Variants in INTS10 observed in about 807,000 individuals in gnomAD.
INTS10 encodes chromosome 8 open reading frame 35.
In INTS10, 44 loss-of-function variants were observed where a neutral mutation model predicts 94.4. The observed-to-expected ratio is 0.47, with a 90% confidence interval of 0.37 to 0.60. INTS10 has a LOEUF of 0.60. Among genes scored for constraint, INTS10 ranks in the 20% least tolerant of loss-of-function variants. The pLI, the probability that INTS10 is intolerant of heterozygous loss-of-function variation, is 0.00. For synonymous variants in INTS10, 341 were observed against 320.7 expected (o/e 1.06, Z -0.68); for missense variants, 797 against 868.7 (o/e 0.92, Z 1.04).
At chr8:19,833,064 G>C in intron 11 of INTS10, 105 bp from the exon 12 acceptor site, 1 of 926,210 alleles carries the variant, frequency 1.1e-6, no homozygotes, top group Admixed American at 2.9e-5. Flanking sequence ...TACCGTCTTT[G>C]TATAGTTGCT....
At chr8:19,825,075 T>C in intron 8 of INTS10, 103 bp downstream of exon 8, 1 of 998,516 alleles carries the variant, frequency 1.0e-6, no homozygotes, top group Non-Finnish European at 1.5e-6. Flanking sequence ...CGAATAACTG[T>C]GGGGCAGTAC....
chr8:19,820,501 A>C lies in INTS10; in HGVS notation c.424A>C (p.Thr142Pro). ...TCTACTTTTGAGGCGCTTCCCTGAA[A>C]CGGTGGTGCAGCATGGGGTGAGATT... ...LLLLLRRFPE[T>P]VVQHGVGLGE... Residue 142 changes from threonine (T) to proline (P), a missense_variant, in exon 4 of 17, where the codon ACG (threonine) becomes CCG (proline). Around this residue, in one of 3 missense-constraint regions of INTS10, gnomAD observed 734 missense variants for 787.8 expected, o/e 0.93. Transcript: ENST00000397977. 1 of 1,612,730 alleles carries C rather than the reference A, an allele frequency of 6.2e-7. No homozygotes were observed. Among genetic ancestry groups the C allele is most frequent in the Non-Finnish European group, 8.5e-7 (1 of 1,178,938 alleles).
At chr8:19,834,555 G>A (rs1045777422) in intron 12 of INTS10, among the ~76,000 whole-genome samples, 1 of 152,154 alleles carries the variant, frequency 6.6e-6, no homozygotes, top group Admixed American at 6.5e-5. Flanking sequence ...CATTGTAGTA[G>A]GGAATATAAA....
chr8:19,825,016 T>C (rs764596564), intron 8 of INTS10, 44 bp downstream of exon 8: 2 of 1,511,154 alleles, frequency 1.3e-6, no homozygotes, highest in Non-Finnish European at 1.8e-6. Context: ...CAGTTCATAC[T>C]GTGGGGATGG....
At chr8:19,828,306 C>T (rs373329556) in intron 9 of INTS10, among the ~76,000 whole-genome samples, 1 of 143,742 alleles carries the variant, frequency 7.0e-6, no homozygotes, top group East Asian at 2.1e-4. Flanking sequence ...ATCACACTGG[C>T]CCCTGGTGGT....
In INTS10 at chr8:19,843,269, G is replaced by T. The variant is rs1331217773; in HGVS notation, c.1719+342G>T. ...CAAATTGCGGTTAGGTTCATGGAGG[G>T]ATGATGAGTTTGTCATTGTAAAGAT... On this transcript the variant is annotated intron_variant, in intron 14 of 16. Transcript: ENST00000397977. This position sits in a 1 kb window ranked among gnomAD's most constrained non-coding sequence, Gnocchi z 4.7. Among the ~76,000 whole-genome samples the T allele has an allele frequency of 1.1e-4, 17 of 152,192 alleles. No individual in the cohort carries two copies.
rs1196151644 is a variant in INTS10 at position 19,832,084 on chromosome 8, T to C, written c.1351T>C (p.Phe451Leu). Reference protein sequence around the residue: ...KTDTWLWLRIFLTDMIIYQGQ... With the variant: ...KTDTWLWLRILLTDMIIYQGQ... The stretch of plus-strand genomic sequence containing the variant: ...GGATACTTGGCTTTGGTTAAGAATC[T>C]TCCTCACTGATATGATCATCTATCA... Residue 451 changes from phenylalanine to leucine, a missense_variant, in exon 11 of 17, where the codon TTC becomes CTC. Phe to Leu is a conservative substitution (Grantham distance 22). This residue lies in a region of INTS10 where 734 missense variants were observed against 787.8 expected (regional missense o/e 0.93). Coordinates refer to ENST00000397977, the MANE Select transcript of INTS10 (RefSeq NM_018142.4). 5 of 1,594,168 alleles carry C rather than the reference T, an allele frequency of 3.1e-6. No homozygotes were observed. Among genetic ancestry groups the C allele is most frequent in the Non-Finnish European group, 3.4e-6 (4 of 1,161,780 alleles).
rs898327238 is a variant in INTS10, at chr8:19,849,418, A to G, written c.1977-2231A>G. On this transcript the variant is annotated intron_variant, in intron 16 of 16. Transcript: ENST00000397977. This position sits in a 1 kb window ranked among gnomAD's most constrained non-coding sequence, Gnocchi z 4.6. ...TTGTAACATTTCTTATTTTTTTTCCATAAGTTGCCAGTGTGTTTGTGTTCG... is the reference window on the plus strand; with the variant it reads ...TTGTAACATTTCTTATTTTTTTTCCGTAAGTTGCCAGTGTGTTTGTGTTCG... Among the ~76,000 whole-genome samples, 1 of 151,956 alleles carries G rather than the reference A, an allele frequency of 6.6e-6. No individual in the cohort carries two copies.
In INTS10 at chr8:19,833,270, G is replaced by T. The variant is rs1443173922; in HGVS notation, c.1479G>T (p.Gln493His). ...QITGQGTLEHQRALIQLATCH... is the reference protein window; with the variant it reads ...QITGQGTLEHHRALIQLATCH... Reference sequence around the variant, plus strand: ...CAGGGCAGGGGACCCTGGAGCATCAGAGGGCGCTCATCCAGCTGGCGACGT... The same window carrying T: ...CAGGGCAGGGGACCCTGGAGCATCATAGGGCGCTCATCCAGCTGGCGACGT... Residue 493 changes from glutamine (Q) to histidine (H), a missense_variant, in exon 12 of 17, where the codon CAG becomes CAT. Around this residue, in one of 3 missense-constraint regions of INTS10, gnomAD observed 734 missense variants for 787.8 expected, o/e 0.93. Transcript: ENST00000397977. 6.2e-7 allele frequency: 1 copy of T among 1,613,304 alleles called. No homozygotes were observed. Among genetic ancestry groups the T allele is most frequent in the African/African-American group, 1.3e-5 (1 of 74,940 alleles).
chr8:19,833,131 C>A, intron 11 of INTS10, 38 bp from the exon 12 acceptor site: 2 of 1,478,262 alleles, frequency 1.4e-6, no homozygotes, highest in Non-Finnish European at 1.8e-6. Context: ...TTTTTAACAG[C>A]GATGCTTTTC....
intron 9 of INTS10, among the ~76,000 whole-genome samples, chr8:19,828,882 G>A (rs142444001): frequency 1.3e-4 from 20 of 152,146 alleles, no homozygotes; most frequent in Admixed American, 3.3e-4. Context: ...GATTGGAAAA[G>A]GTGTGTTTTT....
chr8:19,849,179 T>A lies in INTS10; in HGVS notation c.1977-2470T>A. On this transcript the variant is annotated intron_variant, in intron 16 of 16. Coordinates refer to ENST00000397977, the MANE Select transcript of INTS10 (RefSeq NM_018142.4). This position sits in a 1 kb window ranked among gnomAD's most constrained non-coding sequence, Gnocchi z 4.6. ...TTTTAAAGGCCTTCTAGCCCTCCCATGGGGTTACTGCAGCAGGAATTCTTA... is the reference window on the plus strand; with the variant it reads ...TTTTAAAGGCCTTCTAGCCCTCCCAAGGGGTTACTGCAGCAGGAATTCTTA... The A allele has an allele frequency of 1.6e-6, 2 of 1,289,602 alleles. No homozygotes were observed. Among genetic ancestry groups the A allele is most frequent in the Non-Finnish European group, 2.0e-6 (2 of 988,698 alleles). The allele number at this position is 1,289,602 out of a possible 1,614,324, so 79.9% of individuals were successfully genotyped here.
At chr8:19,834,171 T>C (rs2067467708) in intron 12 of INTS10, among the ~76,000 whole-genome samples, 1 of 152,198 alleles carries the variant, frequency 6.6e-6, no homozygotes, top group African/African-American at 2.4e-5. Flanking sequence ...TTGAATTCAG[T>C]TAAAATGATA....
chr8:19,826,602 C>A, intron 9 of INTS10, 43 bp downstream of exon 9: 1 of 1,564,240 alleles, frequency 6.4e-7, no homozygotes, highest in East Asian at 2.3e-5. Context: ...GGATGGGACG[C>A]TTTGCTAGAG....
In INTS10 at chr8:19,833,284, A is replaced by G; in HGVS notation, c.1493A>G (p.Gln498Arg). The change falls in exon 12 of 17, where the codon CAG (glutamine) becomes CGG (arginine). Residue 498 changes from glutamine to arginine, a missense_variant. This residue lies in a region of INTS10 where 734 missense variants were observed against 787.8 expected (regional missense o/e 0.93). Transcript: ENST00000397977. Reference sequence around the variant, plus strand: ...CTGGAGCATCAGAGGGCGCTCATCCAGCTGGCGACGTGCCACTTTGCGCTA... The same window carrying G: ...CTGGAGCATCAGAGGGCGCTCATCCGGCTGGCGACGTGCCACTTTGCGCTA... ...GTLEHQRALI[Q>R]LATCHFALGE... 1 of 1,612,930 alleles carries G rather than the reference A, an allele frequency of 6.2e-7. No homozygotes were observed. Among genetic ancestry groups the G allele is most frequent in the Non-Finnish European group, 8.5e-7 (1 of 1,179,452 alleles).
In INTS10 at chr8:19,823,948, A is replaced by G. The variant is rs2066592400; in HGVS notation, c.740A>G (p.Glu247Gly). 6.2e-7 allele frequency: 1 copy of G among 1,613,164 alleles called. No homozygotes were observed. Among genetic ancestry groups the G allele is most frequent in the African/African-American group, 1.3e-5 (1 of 75,012 alleles). ...SQKYIIEGLT[E>G]KSSQIVDPWE... ...AAGTACATAATAGAAGGGCTGACGG[A>G]AAAATCATCCCAGATCGTGGACCCT... The change falls in exon 7 of 17, where the codon GAA becomes GGA. Residue 247 changes from glutamate (E) to glycine (G), a missense_variant. Physicochemically the swap from Glu to Gly is moderately conservative, Grantham distance 98. Coordinates refer to ENST00000397977, the MANE Select transcript of INTS10 (RefSeq NM_018142.4).
At chr8:19,820,280 T>C in intron 3 of INTS10, 99 bp from the exon 4 acceptor site, 2 of 1,120,288 alleles carry the variant, frequency 1.8e-6, no homozygotes, top group African/African-American at 3.2e-5. Flanking sequence ...TCACATGTAG[T>C]GTTTACTGTT....
At chr8:19,840,082 A>G (rs1455927274) in intron 13 of INTS10, among the ~76,000 whole-genome samples, 4 of 151,544 alleles carry the variant, frequency 2.6e-5, no homozygotes, top group African/African-American at 7.3e-5. Flanking sequence ...AAAAAAAAAA[A>G]AAAAAAAATT....
chr8:19,825,653 T>C (rs74881335), intron 8 of INTS10, among the ~76,000 whole-genome samples: 2 of 152,254 alleles, frequency 1.3e-5, no homozygotes, highest in East Asian at 1.9e-4. Flanking sequence ...TGCATAAATA[T>C]ACTGTAGAAA....
Sources: gnomAD v4.1 joint callset for allele counts (sites outside exome capture counted in the v4.1 genomes callset) on GRCh38, gnomAD v4.1.1 for gene constraint, gnomAD v4.1.1 regional missense constraint, Gnocchi (gnomAD v3.1) non-coding constraint, MANE v1.5 for transcripts, NCBI Gene and HGNC (gene_info 2026-07-23, HGNC 2026-07-21) for gene names.